The following ADGRL3 variants were observed in gnomAD, a reference collection of about 807,000 sequenced individuals.
The protein encoded by ADGRL3 is adhesion G protein-coupled receptor L3.
In ADGRL3, 62 loss-of-function variants were observed where a neutral mutation model predicts 153.5. That is an observed-to-expected ratio of 0.40 (90% CI 0.33 to 0.50). The LOEUF (loss-of-function observed/expected upper bound fraction) is 0.50, where lower values mean the gene tolerates loss of function less well. Among genes scored for constraint, ADGRL3 ranks in the 20% least tolerant of loss-of-function variants. ADGRL3 has a pLI of 0.47. For synonymous variants in ADGRL3, 710 were observed against 672.5 expected (o/e 1.06, Z -0.86); for missense variants, 1,641 against 1,859.4 (o/e 0.88, Z 2.16).
chr4:61,699,760 C>T (rs758786654), intron 6 of ADGRL3, among the ~76,000 whole-genome samples: 23 of 152,066 alleles, frequency 1.5e-4, no homozygotes, highest in Admixed American at 2.6e-4. Flanking sequence ...TCTATGCAAT[C>T]ATGCAATTGT....
At chr4:61,673,998 C>T (rs917903435) in intron 5 of ADGRL3, among the ~76,000 whole-genome samples, 6 of 151,114 alleles carry the variant, frequency 4.0e-5, no homozygotes, top group Admixed American at 6.6e-5. Context: ...GACTCATCTT[C>T]GGTTAATATT....
intron 6 of ADGRL3, among the ~76,000 whole-genome samples, chr4:61,717,347 A>G (rs2096140947): frequency 6.6e-6 from 1 of 152,032 alleles, no homozygotes; most frequent in Non-Finnish European, 1.5e-5. Flanking sequence ...GAATTGTGCT[A>G]CTTCATTTCC....
At chr4:61,390,381 G>C (rs922944726) in intron 2 of ADGRL3, among the ~76,000 whole-genome samples, 1 of 152,142 alleles carries the variant, frequency 6.6e-6, no homozygotes, top group Non-Finnish European at 1.5e-5. Context: ...TCCAAAAAAG[G>C]CTGCTTATTT....
chr4:61,303,323 G>C (rs1233967563), intron 1 of ADGRL3, among the ~76,000 whole-genome samples: 1 of 152,086 alleles, frequency 6.6e-6, no homozygotes, highest in Non-Finnish European at 1.5e-5. Context: ...AGTAAATTGG[G>C]AATAATAACC....
intron 21 of ADGRL3, among the ~76,000 whole-genome samples, chr4:62,020,451 A>G (rs2099232792): frequency 6.6e-6 from 1 of 152,104 alleles, no homozygotes; most frequent in South Asian, 2.1e-4. Flanking sequence ...CCAAAAGTGA[A>G]CCAGGAAACA....
intron 25 of ADGRL3, among the ~76,000 whole-genome samples, chr4:62,050,388 A>G (rs951999952): frequency 6.6e-6 from 1 of 152,020 alleles, no homozygotes; most frequent in Non-Finnish European, 1.5e-5. Flanking sequence ...AGAGAACACT[A>G]TTCCAATTCA....
chr4:61,557,670 T>C (rs1034534229), intron 4 of ADGRL3, among the ~76,000 whole-genome samples: 13 of 152,134 alleles, frequency 8.5e-5, no homozygotes, highest in African/African-American at 3.1e-4. Flanking sequence ...TCTCCAGAGT[T>C]GCAATTAATA....
At chr4:61,444,432 A>G (rs1379144578) in intron 2 of ADGRL3, among the ~76,000 whole-genome samples, 1 of 152,068 alleles carries the variant, frequency 6.6e-6, no homozygotes, top group Non-Finnish European at 1.5e-5. Flanking sequence ...GGAGCTCACC[A>G]TGTTTTTTTG....
rs560971847 is a variant in ADGRL3 at position 62,019,815 on chromosome 4, A to G, written c.3396-9040A>G. Among the ~76,000 whole-genome samples, 244 of 152,290 alleles carry G rather than the reference A, an allele frequency of 1.6e-3. 2 individuals carry two copies. Among genetic ancestry groups the G allele is most frequent in the African/African-American group, 5.4e-3 (226 of 41,582 alleles). ...AATGATAAATTCAATAATTCAGAGT[A>G]TACTTCAAAAGCTTTTACTAATTTA... On this transcript the variant is annotated intron_variant, in intron 21 of 26. Transcript: ENST00000683033.
At chr4:61,522,078 T>C (rs1414532079) in intron 4 of ADGRL3, among the ~76,000 whole-genome samples, 1 of 152,134 alleles carries the variant, frequency 6.6e-6, no homozygotes, top group Non-Finnish European at 1.5e-5. Context: ...TACTTCCCAG[T>C]AATACCTAGC....
chr4:61,395,958 A>G (rs1253540586), intron 2 of ADGRL3, among the ~76,000 whole-genome samples: 1 of 152,000 alleles, frequency 6.6e-6, no homozygotes, highest in Non-Finnish European at 1.5e-5. Flanking sequence ...CAAACAAGGA[A>G]TAATGAATGA....
At chr4:61,204,258 A>G (rs1736122652) in intron 1 of ADGRL3, among the ~76,000 whole-genome samples, 1 of 152,186 alleles carries the variant, frequency 6.6e-6, no homozygotes, top group Non-Finnish European at 1.5e-5. Context: ...TTATATTTTT[A>G]TGAGAGATAT....
chr4:61,737,663 G>C (rs2096535043), intron 8 of ADGRL3, among the ~76,000 whole-genome samples: 1 of 152,122 alleles, frequency 6.6e-6, no homozygotes, highest in South Asian at 2.1e-4. Context: ...TAGATTTGCA[G>C]TAACCCTACA....
At chr4:61,840,543 C>A (rs967847980) in intron 9 of ADGRL3, among the ~76,000 whole-genome samples, 2 of 152,162 alleles carry the variant, frequency 1.3e-5, no homozygotes, top group Non-Finnish European at 2.9e-5. Context: ...CCTTCAACTG[C>A]GGAAATACTA....
At chr4:61,283,200 T>TA (rs568856118) in intron 1 of ADGRL3, among the ~76,000 whole-genome samples, 116 of 152,210 alleles carry the variant, frequency 7.6e-4, no homozygotes, top group Middle Eastern at 6.8e-3. Context: ...ACACTGCTTG[T>TA]AATTTAGAAA....
At chr4:61,759,858 G>T (rs146813324) in intron 8 of ADGRL3, among the ~76,000 whole-genome samples, 3,042 of 152,276 alleles carry the variant, frequency 0.02, 51 homozygotes, top group East Asian at 0.099. Flanking sequence ...TGGTGTGGAT[G>T]TCCTTTCTGT....
At chr4:61,452,780 A>G (rs2152527752) in intron 2 of ADGRL3, among the ~76,000 whole-genome samples, 1 of 152,300 alleles carries the variant, frequency 6.6e-6, no homozygotes. Context: ...CTTTCTTTAG[A>G]TAACAGAATA....
intron 6 of ADGRL3, among the ~76,000 whole-genome samples, chr4:61,706,245 C>T (rs1280740507): frequency 6.6e-6 from 1 of 151,904 alleles, no homozygotes; most frequent in African/African-American, 2.4e-5. Flanking sequence ...TATGGTGAAA[C>T]CTCATCTCTA....
intron 1 of ADGRL3, among the ~76,000 whole-genome samples, chr4:61,310,319 C>G (rs990349341): frequency 6.6e-6 from 1 of 151,972 alleles, no homozygotes; most frequent in Non-Finnish European, 1.5e-5. Flanking sequence ...GAATAGAGCG[C>G]TTAGGCTCTT....
Sources: allele counts gnomAD v4.1 joint callset (sites outside exome capture counted in the v4.1 genomes callset), GRCh38; gene constraint gnomAD v4.1.1; transcripts MANE v1.5; gene names NCBI Gene and HGNC (gene_info 2026-07-23, HGNC 2026-07-21).